The following CFLAR variants were observed in gnomAD, a reference collection of about 807,000 sequenced individuals.
CFLAR encodes the protein CASP8 and FADD-like apoptosis regulator.
CFLAR carries 14 observed loss-of-function variants against 51.1 expected under a neutral mutation model. That is an observed-to-expected ratio of 0.27 (90% CI 0.18 to 0.43). The LOEUF is 0.43. CFLAR is among the 20% of genes least tolerant of loss of function. The pLI is 1.00. For synonymous variants in CFLAR, 210 were observed against 211.6 expected, an observed-to-expected ratio of 0.99 and a Z score of 0.06; for missense variants, 390 against 566.5, an observed-to-expected ratio of 0.69 and a Z score of 3.16.
intron 9 of CFLAR, 164 bp from the exon 10 acceptor site, chr2:201,163,671 G>C: frequency 7.0e-7 from 1 of 1,426,910 alleles, no homozygotes; most frequent in Non-Finnish European, 9.2e-7. Context: ...CATCAGGCCA[G>C]AGTATTGCAA....
rs916940387 is a variant in CFLAR, at chr2:201,162,166, C to G, written c.1304+1224C>G. ...TTGTCCAGGCTGGAGTGCAGTGGCACACCTCGGCTTACTGCAACATCCACC... is the reference window on the plus strand; with the variant it reads ...TTGTCCAGGCTGGAGTGCAGTGGCAGACCTCGGCTTACTGCAACATCCACC... On this transcript the variant is annotated intron_variant, in intron 9 of 9. Coordinates refer to ENST00000309955, the MANE Select transcript of CFLAR (RefSeq NM_003879.7). 4.6e-5 allele frequency among the ~76,000 whole-genome samples: 7 copies of G among 152,144 alleles called. No individual in the cohort carries two copies. In the South Asian group the frequency reaches 1.5e-3, roughly 32 times the overall value.
intron 7 of CFLAR, 187 bp from the exon 8 acceptor site, chr2:201,149,567 A>T (rs1295613834): frequency 2.0e-6 from 1 of 499,974 alleles, no homozygotes. Context: ...TCTTAAGCAC[A>T]TTACCCTAAT....
chr2:201,152,638 A>G (rs1343024185), intron 8 of CFLAR, among the ~76,000 whole-genome samples: 1 of 152,202 alleles, frequency 6.6e-6, no homozygotes, highest in Non-Finnish European at 1.5e-5. Context: ...CCTAGGCCCA[A>G]GGGTGAGTGG....
At chr2:201,131,167 A>T (rs552941853) in intron 2 of CFLAR, among the ~76,000 whole-genome samples, 117 of 152,282 alleles carry the variant, frequency 7.7e-4, no homozygotes, top group African/African-American at 2.5e-3. Context: ...TTAGAGGTTC[A>T]GAGGGGCATG....
rs567065955 is a variant in CFLAR at position 201,170,171 on chromosome 2, A to G, written c.*6198A>G. ...CATGCACATTTTTGTTCATTGCAGC[A>G]CTCTTCACAATAGCAAAGACACAAT... On this transcript the variant is annotated 3_prime_UTR_variant, in exon 10 of 10. Transcript: ENST00000309955. The G allele has an allele frequency of 5.9e-5, 9 of 152,322 alleles. No individual in the cohort carries two copies. The South Asian group carries it at 1.9e-3, about 32-fold the overall frequency. 9.4% of individuals were successfully genotyped at this position (152,322 alleles called of 1,614,324 possible).
At chr2:201,135,876 C>T (rs777427018) in intron 3 of CFLAR, 96 bp from the exon 4 acceptor site, 8 of 1,512,470 alleles carry the variant, frequency 5.3e-6, no homozygotes, top group Non-Finnish European at 7.1e-6. Flanking sequence ...GTCTTCCTGC[C>T]TCAGCCTCCC....
Position 201,169,252 on chromosome 2 carries a change from A to G in CFLAR, c.*5279A>G, listed in dbSNP as rs1438444323. The G allele has an allele frequency of 6.6e-6, 1 of 152,218 alleles. No individual in the cohort carries two copies. Among genetic ancestry groups the G allele is most frequent in the Non-Finnish European group, 1.5e-5 (1 of 68,030 alleles). 9.4% of individuals were successfully genotyped at this position (152,218 alleles called of 1,614,324 possible). A position where few individuals can be genotyped will look rare whatever the true frequency, so the allele number is the denominator to read the frequency against. On this transcript the variant is annotated 3_prime_UTR_variant, in exon 10 of 10. Transcript: ENST00000309955. Reference sequence around the variant, plus strand: ...GTAGCCAAAATGGCATGGTACTGGTACAAAAACAGACACATAGACCAATGG... The same window carrying G: ...GTAGCCAAAATGGCATGGTACTGGTGCAAAAACAGACACATAGACCAATGG...
rs372747269 is a variant in CFLAR, at chr2:201,129,431, T to C, written c.-137-298T>C. Reference sequence around the variant, plus strand: ...TTAAACCCTTAGTTGTAATTTTCCCTGAACATGCTTTACATTCTGATGAAT... The same window carrying C: ...TTAAACCCTTAGTTGTAATTTTCCCCGAACATGCTTTACATTCTGATGAAT... On this transcript the variant is annotated intron_variant, in intron 1 of 9. Transcript: ENST00000309955. The C allele has an allele frequency of 3.9e-5, 10 of 254,326 alleles. No homozygotes were observed. In the East Asian group the frequency reaches 5.0e-4, roughly 13 times the overall value. The allele number at this position is 254,326 out of a possible 1,614,324, so 15.8% of individuals were successfully genotyped here. A position where few individuals can be genotyped will look rare whatever the true frequency, so the allele number is the denominator to read the frequency against.
chr2:201,157,083 GTCAATATCTTA>G (rs1942298324), intron 8 of CFLAR, among the ~76,000 whole-genome samples: 1 of 152,166 alleles, frequency 6.6e-6, no homozygotes, highest in Non-Finnish European at 1.5e-5. Context: ...TTCCTTTAAA[GTCAATATCTTA>G]TATTTGAATA....
chr2:201,133,968 CA>C (rs754594071), intron 3 of CFLAR, among the ~76,000 whole-genome samples: 16 of 147,370 alleles, frequency 1.1e-4, no homozygotes, highest in Non-Finnish European at 2.1e-4. Context: ...AAAAGAAGAC[CA>C]GGTAGTGGTG....
intron 4 of CFLAR, chr2:201,140,010 T>C: frequency 3.2e-6 from 1 of 308,732 alleles, no homozygotes; most frequent in Non-Finnish European, 6.6e-6. Flanking sequence ...GTGCTGCTGC[T>C]GATAGGTAGT....
chr2:201,128,293 T>C (rs747130943), intron 1 of CFLAR, among the ~76,000 whole-genome samples: 2 of 152,182 alleles, frequency 1.3e-5, no homozygotes, highest in African/African-American at 2.4e-5. Flanking sequence ...AGTATAGATT[T>C]GGGCTGTCCA....
At position 201,168,263 on chromosome 2, in the gene CFLAR, TAATA is replaced by T. The variant is rs935852631; in HGVS notation, c.*4297_*4300del. The T allele has an allele frequency of 1.3e-5, 2 of 151,774 alleles. No individual in the cohort carries two copies. The highest frequency in any genetic ancestry group is 2.4e-5 in the African/African-American group (1 of 41,348). 9.4% of individuals were successfully genotyped at this position (151,774 alleles called of 1,614,324 possible). A position where few individuals can be genotyped will look rare whatever the true frequency, so the allele number is the denominator to read the frequency against. ...TCTCAAAAATAAATAAATAAATAAA[TAATA>T]AATAAAATGTTTGGAATGTTGGCTT... On this transcript the variant is annotated 3_prime_UTR_variant, in exon 10 of 10. Transcript: ENST00000309955.
At chr2:201,120,898 T>G (rs940668735) in intron 1 of CFLAR, among the ~76,000 whole-genome samples, 7 of 152,012 alleles carry the variant, frequency 4.6e-5, no homozygotes, top group African/African-American at 1.7e-4. Context: ...TACTATCTAG[T>G]GAGTGAACCA....
chr2:201,163,550 C>A, intron 9 of CFLAR: 1 of 1,208,616 alleles, frequency 8.3e-7, no homozygotes, highest in Non-Finnish European at 1.0e-6. Flanking sequence ...GGTGGTATTA[C>A]TGGCCTTTTG....
intron 4 of CFLAR, chr2:201,140,155 C>T (rs1426102523): frequency 8.0e-6 from 3 of 372,814 alleles, no homozygotes; most frequent in Non-Finnish European, 1.4e-5. Context: ...GCGGCAGCGG[C>T]GGGGCGGGCC....
At chr2:201,145,066 C>T (rs1393318268) in intron 5 of CFLAR, among the ~76,000 whole-genome samples, 4 of 151,924 alleles carry the variant, frequency 2.6e-5, no homozygotes, top group Admixed American at 6.6e-5. Flanking sequence ...TTGGCCAGGC[C>T]GGTCTGGAAC....
At chr2:201,155,660 A>G (rs748934115) in intron 8 of CFLAR, among the ~76,000 whole-genome samples, 5 of 151,446 alleles carry the variant, frequency 3.3e-5, no homozygotes, top group African/African-American at 4.9e-5. Context: ...GTCTTGCTCT[A>G]TCACCCAGAA....
chr2:201,137,156 G>A (rs993731117), intron 4 of CFLAR: 51 of 186,344 alleles, frequency 2.7e-4, no homozygotes, highest in African/African-American at 1.2e-3. Flanking sequence ...TGGGGGGCTG[G>A]GGACAGGGAG....
Sources: allele counts gnomAD v4.1 joint callset (sites outside exome capture counted in the v4.1 genomes callset), GRCh38; gene constraint gnomAD v4.1.1; transcripts MANE v1.5; gene names NCBI Gene and HGNC (gene_info 2026-07-23, HGNC 2026-07-21).